Variants in DLG2 observed in about 807,000 individuals in gnomAD.
DLG2 encodes discs large MAGUK scaffold protein 2.
In DLG2, 45 loss-of-function variants were observed where a neutral mutation model predicts 132.5. That is an observed-to-expected ratio of 0.34 (90% CI 0.27 to 0.44). The LOEUF (loss-of-function observed/expected upper bound fraction) is 0.44, where lower values mean the gene tolerates loss of function less well. DLG2 is among the 20% of genes least tolerant of loss of function. DLG2 has a pLI of 1.00. For missense variants in DLG2, 1,045 were observed against 1,196.9 expected (o/e 0.87, Z 1.87); for synonymous variants, 424 against 419.6 (o/e 1.01, Z -0.13).
At chr11:83,734,055 G>C (rs2091481115) in intron 18 of DLG2, among the ~76,000 whole-genome samples, 1 of 151,694 alleles carries the variant, frequency 6.6e-6, no homozygotes, top group Non-Finnish European at 1.5e-5. Flanking sequence ...TTAACACAAT[G>C]GCTTCCAGTT....
Position 83,484,160 on chromosome 11 carries a change from C to T in DLG2, c.2262G>A (p.Glu754=). The change falls in exon 22 of 28, where the codon GAG becomes GAA. Residue 754 remains glutamate, a synonymous_variant. Coordinates refer to ENST00000376104, the MANE Select transcript of DLG2 (RefSeq NM_001142699.3). The part of the protein sequence containing the change: ...SRKFPFYKNK[E]QSEQETSDPE... ...GATCACTGGTTTCCTGCTCACTCTG[C>T]TCCTTGTTCTTGTAGAATGGGAATT... is the stretch of plus-strand genomic sequence containing the variant. 1.2e-6 allele frequency: 2 copies of T among 1,613,404 alleles called. No individual in the cohort carries two copies. The highest frequency in any genetic ancestry group is 1.7e-6 in the Non-Finnish European group (2 of 1,179,526).
intron 6 of DLG2, among the ~76,000 whole-genome samples, chr11:84,898,485 C>A (rs1348588892): frequency 6.6e-6 from 1 of 151,996 alleles, no homozygotes; most frequent in Non-Finnish European, 1.5e-5. Context: ...TTTCTTACTT[C>A]ATGTGAGAGT....
intron 4 of DLG2, among the ~76,000 whole-genome samples, chr11:85,269,489 T>C (rs761181751): frequency 6.6e-6 from 1 of 152,218 alleles, no homozygotes; most frequent in African/African-American, 2.4e-5. Flanking sequence ...GAGTAAAGAT[T>C]GTAGAGTCAG....
intron 3 of DLG2, among the ~76,000 whole-genome samples, chr11:85,359,982 G>A (rs2084019443): frequency 6.6e-6 from 1 of 152,264 alleles, no homozygotes; most frequent in Non-Finnish European, 1.5e-5. Context: ...AAAATTATCA[G>A]AGAGACTCAT....
chr11:85,228,228 A>G lies in DLG2; in HGVS notation c.186+56992T>C, dbSNP rs182597857. On this transcript the variant is annotated intron_variant, in intron 4 of 27. Coordinates refer to ENST00000376104, the MANE Select transcript of DLG2 (RefSeq NM_001142699.3). ...ATGAAAATTTATGGAATGACTAACT[A>G]GTAAAGGCTAAAGTATGATGAGGCC... Among the ~76,000 whole-genome samples, 9 of 152,190 alleles carry G rather than the reference A, an allele frequency of 5.9e-5. No homozygotes were observed. In the East Asian group the frequency reaches 1.7e-3, roughly 29 times the overall value.
At chr11:84,293,304 T>TA (rs2098034286) in intron 7 of DLG2, among the ~76,000 whole-genome samples, 1 of 152,172 alleles carries the variant, frequency 6.6e-6, no homozygotes, top group South Asian at 2.1e-4. Context: ...ATTCATTTTT[T>TA]ATCTCAACTT....
intron 6 of DLG2, among the ~76,000 whole-genome samples, chr11:84,954,747 T>C (rs1463789189): frequency 3.3e-5 from 5 of 152,192 alleles, no homozygotes; most frequent in Non-Finnish European, 2.9e-5. Flanking sequence ...TCTAATTCCA[T>C]AAGGATTGAG....
intron 4 of DLG2, among the ~76,000 whole-genome samples, chr11:85,263,459 G>A (rs77809698): frequency 0.026 from 3,985 of 152,276 alleles, 169 homozygotes; most frequent in African/African-American, 0.089. Context: ...AGGGATTGAG[G>A]ACTTTTGACC....
At chr11:84,936,944 G>A (rs541472751) in intron 6 of DLG2, among the ~76,000 whole-genome samples, 4 of 152,286 alleles carry the variant, frequency 2.6e-5, no homozygotes, top group South Asian at 2.1e-4. Context: ...CTTGAGGTCC[G>A]GGGTTTGAGA....
At chr11:84,182,454 A>G (rs968343721) in intron 8 of DLG2, among the ~76,000 whole-genome samples, 1 of 152,092 alleles carries the variant, frequency 6.6e-6, no homozygotes, top group Admixed American at 6.6e-5. Flanking sequence ...TCACGTGCCC[A>G]GGAGGTTGAG....
At chr11:84,610,879 G>A (rs1213449092) in intron 6 of DLG2, among the ~76,000 whole-genome samples, 2 of 151,924 alleles carry the variant, frequency 1.3e-5, no homozygotes, top group African/African-American at 4.8e-5. Context: ...TGTTTCCTCT[G>A]CCTGAAATAT....
At chr11:83,507,750 TA>T (rs2094791412) in intron 21 of DLG2, among the ~76,000 whole-genome samples, 1 of 125,150 alleles carries the variant, frequency 8.0e-6, no homozygotes, top group East Asian at 2.4e-4. Flanking sequence ...TTTACATATA[TA>T]TTTTTATTAT....
intron 18 of DLG2, among the ~76,000 whole-genome samples, chr11:83,656,544 G>C (rs765057729): frequency 2.0e-5 from 3 of 152,194 alleles, no homozygotes; most frequent in Non-Finnish European, 4.4e-5. Context: ...AGTAGAGGAA[G>C]AATAATATAG....
chr11:84,480,343 C>T (rs2099133540), intron 7 of DLG2, among the ~76,000 whole-genome samples: 1 of 152,002 alleles, frequency 6.6e-6, no homozygotes, highest in Admixed American at 6.6e-5. Flanking sequence ...GCAGTAATCC[C>T]CCACGTTTTA....
chr11:84,492,992 C>T (rs188340318), intron 7 of DLG2, among the ~76,000 whole-genome samples: 2 of 152,134 alleles, frequency 1.3e-5, no homozygotes, highest in African/African-American at 4.8e-5. Context: ...TTTCTATGAT[C>T]TTAAAATGAA....
chr11:83,982,500 G>T (rs745371902), intron 11 of DLG2, among the ~76,000 whole-genome samples: 1 of 131,368 alleles, frequency 7.6e-6, no homozygotes, highest in Admixed American at 7.6e-5. Flanking sequence ...AAAAAAAAAA[G>T]AAAAGCTTAT....
intron 6 of DLG2, among the ~76,000 whole-genome samples, chr11:84,594,058 C>A (rs1029301506): frequency 6.6e-6 from 1 of 151,792 alleles, no homozygotes; most frequent in African/African-American, 2.4e-5. Flanking sequence ...AATGGCAGTG[C>A]AAATAATGAT....
intron 21 of DLG2, among the ~76,000 whole-genome samples, chr11:83,514,741 G>C (rs539667514): frequency 0.01 from 1,524 of 152,142 alleles, 22 homozygotes; most frequent in African/African-American, 0.028. Context: ...TAGCATGAAG[G>C]GTTGTTGAAT....
chr11:83,957,571 T>TTTA (rs1555204637), intron 14 of DLG2, among the ~76,000 whole-genome samples: 1 of 131,744 alleles, frequency 7.6e-6, no homozygotes. Flanking sequence ...TTTTTTTTTT[T>TTTA]AAAAACATAA....
Sources: allele counts gnomAD v4.1 joint callset (sites outside exome capture counted in the v4.1 genomes callset), GRCh38; gene constraint gnomAD v4.1.1; transcripts MANE v1.5; gene names NCBI Gene and HGNC (gene_info 2026-07-23, HGNC 2026-07-21).